LRRC37A2: variants seen among roughly 807,000 people sequenced by gnomAD.
The protein encoded by LRRC37A2 is leucine rich repeat containing 37 member A2, also known as leucine-rich repeat-containing protein 37A2.
Under a neutral mutation model 68.8 loss-of-function variants are expected in LRRC37A2, and 9 were observed. The ratio of observed to expected loss-of-function variants is 0.13; its 90% CI spans 0.08 to 0.23. LRRC37A2 has a LOEUF of 0.23. Among genes scored for constraint, LRRC37A2 ranks in the 10% least tolerant of loss-of-function variants. The pLI, the probability that LRRC37A2 is intolerant of heterozygous loss-of-function variation, is 1.00. For synonymous variants in LRRC37A2, 63 were observed against 367.6 expected (o/e 0.17, Z 9.48); for missense variants, 168 against 950.4 (o/e 0.18, Z 10.82).
chr17:46,756,001 C>T, the LRRC37A2 span: 1 of 598,808 alleles, frequency 1.7e-6, no homozygotes, highest in East Asian at 2.9e-5. Flanking sequence ...ACTGAGATAG[C>T]TTAGTGTCTC....
At chr17:46,735,800 C>T in the LRRC37A2 span, among the ~76,000 whole-genome samples, 8 of 152,206 alleles carry the variant, frequency 5.3e-5, no homozygotes, top group African/African-American at 1.9e-4. Context: ...CAAAAATTAG[C>T]TCGACGTGGT....
chr17:46,811,677 G>A, the LRRC37A2 span, among the ~76,000 whole-genome samples: 1 of 152,164 alleles, frequency 6.6e-6, no homozygotes, highest in Non-Finnish European at 1.5e-5. Context: ...AACTCTGGCT[G>A]GGTGCGGTGG....
chr17:46,991,408 C>G, the LRRC37A2 span, among the ~76,000 whole-genome samples: 1 of 152,028 alleles, frequency 6.6e-6, no homozygotes, highest in Non-Finnish European at 1.5e-5. Flanking sequence ...GGGTGGATCA[C>G]CTGAGGTCAA....
chr17:46,385,223 G>A, the LRRC37A2 span, among the ~76,000 whole-genome samples: 2 of 91,024 alleles, frequency 2.2e-5, 1 homozygote, highest in Non-Finnish European at 5.0e-5. Context: ...TCCCATTGCT[G>A]AGAATAGAGC....
the LRRC37A2 span, among the ~76,000 whole-genome samples, chr17:46,926,433 C>G: frequency 6.6e-6 from 1 of 152,110 alleles, no homozygotes; most frequent in African/African-American, 2.4e-5. Context: ...AAAATTCTTC[C>G]TAGATCTTCT....
chr17:46,841,506 T>A, the LRRC37A2 span, among the ~76,000 whole-genome samples: 1 of 152,296 alleles, frequency 6.6e-6, no homozygotes, highest in South Asian at 2.1e-4. Flanking sequence ...GTCCTCAAGG[T>A]CGTGCCAACA....
chr17:46,831,031 C>T, the LRRC37A2 span: 226 of 332,878 alleles, frequency 6.8e-4, no homozygotes, highest in Non-Finnish European at 7.6e-4. Context: ...TTTCAGTTGA[C>T]GTTATTAAGA....
the LRRC37A2 span, among the ~76,000 whole-genome samples, chr17:46,729,337 A>T: frequency 1.3e-5 from 2 of 151,984 alleles, no homozygotes; most frequent in South Asian, 4.1e-4. Context: ...GTTTATGGGG[A>T]TATTTAAGTT....
chr17:46,995,616 T>C, the LRRC37A2 span, among the ~76,000 whole-genome samples: 12 of 152,250 alleles, frequency 7.9e-5, no homozygotes, highest in South Asian at 1.5e-3. Flanking sequence ...TATTGTACCA[T>C]GGGGTAGAAG....
At chr17:46,779,103 A>ACACCCCCCCCC in the LRRC37A2 span, among the ~76,000 whole-genome samples, 1 of 133,662 alleles carries the variant, frequency 7.5e-6, no homozygotes, top group Admixed American at 7.8e-5. Flanking sequence ...ACACACACAC[A>ACACCCCCCCCC]CCCCAGCCCA....
the LRRC37A2 span, among the ~76,000 whole-genome samples, chr17:46,497,540 A>G: frequency 5.4e-5 from 8 of 148,260 alleles, no homozygotes; most frequent in Admixed American, 5.4e-4. Context: ...ATAAAATGTA[A>G]AAGTATTGCA....
At chr17:46,972,379 A>G in the LRRC37A2 span, among the ~76,000 whole-genome samples, 1 of 152,260 alleles carries the variant, frequency 6.6e-6, no homozygotes, top group South Asian at 2.1e-4. Context: ...AGTCCCTGCA[A>G]GGAGCTCTGG....
At chr17:46,929,242 G>C in the LRRC37A2 span, among the ~76,000 whole-genome samples, 95 of 152,266 alleles carry the variant, frequency 6.2e-4, no homozygotes, top group African/African-American at 2.0e-3. Flanking sequence ...TATAAAATGA[G>C]GATGATAATG....
chr17:47,032,848 C>G, the LRRC37A2 span, among the ~76,000 whole-genome samples: 1 of 152,278 alleles, frequency 6.6e-6, no homozygotes, highest in African/African-American at 2.4e-5. Context: ...TGCCAGATTC[C>G]AGGTCCCTTG....
At chr17:47,027,525 T>C in the LRRC37A2 span, 1 of 1,027,640 alleles carries the variant, frequency 9.7e-7, no homozygotes, top group East Asian at 2.4e-5. Context: ...TAATAACTAA[T>C]CAAGGCAATA....
At chr17:46,835,161 AT>A in the LRRC37A2 span, among the ~76,000 whole-genome samples, 2 of 151,264 alleles carry the variant, frequency 1.3e-5, no homozygotes, top group Non-Finnish European at 3.0e-5. Context: ...CACCTGGCTA[AT>A]TTTTTTTTAT....
At chr17:46,790,017 C>T in the LRRC37A2 span, among the ~76,000 whole-genome samples, 1 of 152,130 alleles carries the variant, frequency 6.6e-6, no homozygotes. Flanking sequence ...GGACTTCCCC[C>T]ACTCTATTTA....
At chr17:46,742,904 A>G in the LRRC37A2 span, among the ~76,000 whole-genome samples, 2 of 152,182 alleles carry the variant, frequency 1.3e-5, no homozygotes, top group African/African-American at 4.8e-5. Context: ...GAAAATATGA[A>G]AAATTATTCC....
At chr17:46,405,641 G>A in the LRRC37A2 span, among the ~76,000 whole-genome samples, 1 of 59,646 alleles carries the variant, frequency 1.7e-5, no homozygotes, top group African/African-American at 6.5e-5. Context: ...AGGAGGCTGA[G>A]GCAGGAGAAT....
Sources: allele counts gnomAD v4.1 joint callset (sites outside exome capture counted in the v4.1 genomes callset), GRCh38; gene constraint gnomAD v4.1.1; transcripts MANE v1.5; gene names NCBI Gene and HGNC (gene_info 2026-07-23, HGNC 2026-07-21).